The following SLC2A9 variants were observed in gnomAD, a reference collection of about 807,000 sequenced individuals.
SLC2A9 encodes solute carrier family 2 member 9.
In SLC2A9, 39 loss-of-function variants were observed where a neutral mutation model predicts 50.6. That is an observed-to-expected ratio of 0.77 (90% CI 0.60 to 1.01). The LOEUF is 1.01. Among genes scored for constraint, SLC2A9 ranks in the 50% least tolerant of loss-of-function variants. The pLI, the probability that SLC2A9 is intolerant of heterozygous loss-of-function variation, is 0.00. For synonymous variants in SLC2A9, 324 were observed against 276.9 expected (o/e 1.17, Z -1.69); for missense variants, 686 against 677.6 (o/e 1.01, Z -0.14).
At chr4:9,858,193 A>T (rs944094016) in intron 10 of SLC2A9, among the ~76,000 whole-genome samples, 1 of 152,164 alleles carries the variant, frequency 6.6e-6, no homozygotes, top group African/African-American at 2.4e-5. Context: ...GAAAGAGGGG[A>T]GGTGAAAGAT....
At chr4:9,844,149 T>TAAAAAAA (rs146298159) in intron 10 of SLC2A9, among the ~76,000 whole-genome samples, 6 of 66,836 alleles carry the variant, frequency 9.0e-5, no homozygotes, top group East Asian at 3.7e-4. Flanking sequence ...CCAGATTTAG[T>TAAAAAAA]AAAAAAAAAA....
At chr4:9,921,666 T>C (rs1378532357) in intron 6 of SLC2A9, among the ~76,000 whole-genome samples, 1 of 152,274 alleles carries the variant, frequency 6.6e-6, no homozygotes, top group Admixed American at 6.5e-5. Context: ...TACTAAAAAC[T>C]GCTTCAGAAT....
At chr4:9,780,776 T>C (rs931460966) in intron 3 of SLC2A9, among the ~76,000 whole-genome samples, 10 of 152,226 alleles carry the variant, frequency 6.6e-5, no homozygotes, top group Non-Finnish European at 1.2e-4. Context: ...TCCCTCTTTA[T>C]TGTTTTCCAT....
At chr4:9,980,787 G>T in intron 4 of SLC2A9, 50 bp from the exon 5 acceptor site, 1 of 1,613,000 alleles carries the variant, frequency 6.2e-7, no homozygotes. Flanking sequence ...TCCCGGGGGA[G>T]CTGCACTCTG....
intron 1 of SLC2A9, among the ~76,000 whole-genome samples, chr4:10,031,448 C>T (rs1390203059): frequency 1.3e-5 from 2 of 152,194 alleles, no homozygotes; most frequent in Non-Finnish European, 2.9e-5. Flanking sequence ...CCCAGACCAG[C>T]TTTAGATCAA....
chr4:10,008,670 T>A (rs539245426), intron 2 of SLC2A9, among the ~76,000 whole-genome samples: 1 of 152,328 alleles, frequency 6.6e-6, no homozygotes, highest in South Asian at 2.1e-4. Context: ...AGATGACACA[T>A]TAAAAGCGGC....
At chr4:9,973,326 C>T (rs150122232) in intron 5 of SLC2A9, among the ~76,000 whole-genome samples, 319 of 152,062 alleles carry the variant, frequency 2.1e-3, no homozygotes, top group Middle Eastern at 3.4e-3. Flanking sequence ...CAATAAAAGC[C>T]CTGAAAAGAT....
chr4:9,885,038 G>C (rs1251208635), intron 10 of SLC2A9, among the ~76,000 whole-genome samples: 1 of 152,098 alleles, frequency 6.6e-6, no homozygotes. Context: ...GTGGAGGGAG[G>C]GAAAGTATCA....
intron 6 of SLC2A9, among the ~76,000 whole-genome samples, chr4:9,930,021 C>G (rs4447862): frequency 0.39 from 59,544 of 151,922 alleles, 12,974 homozygotes; most frequent in African/African-American, 0.57. Flanking sequence ...CTTCCAGATA[C>G]AAATTAGGGG....
intron 10 of SLC2A9, among the ~76,000 whole-genome samples, chr4:9,868,039 G>A (rs938317450): frequency 9.2e-5 from 14 of 152,322 alleles, no homozygotes; most frequent in East Asian, 1.9e-4. Flanking sequence ...TCCACCAGGC[G>A]TGTCTTTAGC....
At chr4:9,858,121 A>T (rs1731015669) in intron 10 of SLC2A9, among the ~76,000 whole-genome samples, 1 of 152,220 alleles carries the variant, frequency 6.6e-6, no homozygotes, top group South Asian at 2.1e-4. Context: ...GGGAGAAAGA[A>T]CATACTGAGT....
chr4:9,781,735 G>A (rs1421957555), intron 3 of SLC2A9: 17 of 344,062 alleles, frequency 4.9e-5, no homozygotes, highest in Non-Finnish European at 1.0e-5. Flanking sequence ...GCTGCCGTCC[G>A]GCGCGCTACA....
At position 9,985,795 on chromosome 4, in the gene SLC2A9, T is replaced by C; in HGVS notation, c.411-2A>G. On this transcript the variant is annotated splice_acceptor_variant, in intron 3 of 11. Transcript: ENST00000264784. LOFTEE classifies it high-confidence loss of function. ...TTATTGGCCAGCAAAGTGTGCTTCC[T>C]GGAAAGAAAGGAAAGATTTGATGAA... 6.2e-7 allele frequency: 1 copy of C among 1,613,970 alleles called. No homozygotes were observed. Among genetic ancestry groups the C allele is most frequent in the Non-Finnish European group, 8.5e-7 (1 of 1,179,862 alleles).
At chr4:9,903,074 C>T (rs1038286378) in intron 8 of SLC2A9, among the ~76,000 whole-genome samples, 6 of 152,096 alleles carry the variant, frequency 3.9e-5, no homozygotes, top group East Asian at 1.9e-4. Flanking sequence ...CTAGCAGCTG[C>T]GGGGCCAGTA....
chr4:10,024,390 T>G (rs900782340), upstream of SLC2A9, among the ~76,000 whole-genome samples: 1 of 152,212 alleles, frequency 6.6e-6, no homozygotes, highest in Non-Finnish European at 1.5e-5. Context: ...TGAAGTCATA[T>G]GCATGGGGCT....
chr4:9,858,098 G>A (rs1003228779), intron 10 of SLC2A9, among the ~76,000 whole-genome samples: 1 of 152,190 alleles, frequency 6.6e-6, no homozygotes, highest in African/African-American at 2.4e-5. Flanking sequence ...AGGGTTTATT[G>A]TATTATGATA....
chr4:9,782,446 C>T (rs1718570793), intron 3 of SLC2A9: 1 of 1,614,014 alleles, frequency 6.2e-7, no homozygotes, highest in Non-Finnish European at 8.5e-7. Flanking sequence ...TGGACCGCTA[C>T]TGGGCCATCT....
intron 11 of SLC2A9, 85 bp downstream of exon 11, chr4:9,834,796 A>G (rs566688996): frequency 1.1e-5 from 17 of 1,591,092 alleles, no homozygotes; most frequent in Non-Finnish European, 1.5e-5. Context: ...GAGGAGAGAG[A>G]TCAACTTCTG....
intron 10 of SLC2A9, chr4:9,879,823 T>TCCGA (rs1294776880): frequency 1.0e-6 from 1 of 985,324 alleles, no homozygotes; most frequent in Admixed American, 6.1e-5. Flanking sequence ...GTGAAGCTCT[T>TCCGA]TTATTTTGCC....
Sources: allele counts gnomAD v4.1 joint callset (sites outside exome capture counted in the v4.1 genomes callset), GRCh38; gene constraint gnomAD v4.1.1; transcripts MANE v1.5; gene names NCBI Gene and HGNC (gene_info 2026-07-23, HGNC 2026-07-21).